Variants in KIF6 observed in about 807,000 individuals in gnomAD.
KIF6 encodes the protein kinesin-like protein KIF6.
KIF6 carries 106 observed loss-of-function variants against 112.7 expected under a neutral mutation model. The observed-to-expected ratio is 0.94, with a 90% CI of 0.80 to 1.11. The LOEUF is 1.11. KIF6 is among the 50% of genes least tolerant of loss of function. The pLI is 0.00. For synonymous variants in KIF6, 339 were observed against 339.9 expected, an observed-to-expected ratio of 1.00 and a Z score of 0.03; for missense variants, 929 against 964.0, an observed-to-expected ratio of 0.96 and a Z score of 0.48.
At chr6:39,430,462 T>C (rs1771072687) in intron 14 of KIF6, among the ~76,000 whole-genome samples, 1 of 152,224 alleles carries the variant, frequency 6.6e-6, no homozygotes, top group South Asian at 2.1e-4. Flanking sequence ...TGCTACAGTT[T>C]GAGGATATGC....
At chr6:39,650,087 T>C (rs931459323) in intron 3 of KIF6, among the ~76,000 whole-genome samples, 1 of 152,164 alleles carries the variant, frequency 6.6e-6, no homozygotes, top group Admixed American at 6.5e-5. Context: ...AGTTCTATGA[T>C]TCTCAGGGCT....
At chr6:39,658,277 A>C (rs1253356723) in intron 3 of KIF6, among the ~76,000 whole-genome samples, 1 of 152,228 alleles carries the variant, frequency 6.6e-6, no homozygotes, top group Non-Finnish European at 1.5e-5. Flanking sequence ...TAATGGAGAC[A>C]GAAGGAGAGT....
intron 3 of KIF6, among the ~76,000 whole-genome samples, chr6:39,651,382 G>A (rs1234104998): frequency 1.3e-5 from 2 of 152,206 alleles, no homozygotes; most frequent in African/African-American, 4.8e-5. Context: ...AGACTGGAAA[G>A]CGGAAAGTTG....
chr6:39,629,495 G>A (rs1407059231), intron 5 of KIF6, among the ~76,000 whole-genome samples: 2 of 151,886 alleles, frequency 1.3e-5, no homozygotes. Flanking sequence ...CAGATCTTTT[G>A]CCCATTTTAA....
At chr6:39,692,996 G>A (rs142300279) in intron 3 of KIF6, among the ~76,000 whole-genome samples, 2 of 152,290 alleles carry the variant, frequency 1.3e-5, no homozygotes, top group East Asian at 3.9e-4. Flanking sequence ...AATTCCCTCA[G>A]GGAAGAATGG....
At position 39,639,710 on chromosome 6, in the gene KIF6, C is replaced by G; in HGVS notation, c.299G>C (p.Gly100Ala). The G allele has an allele frequency of 6.2e-7, 1 of 1,612,448 alleles. No homozygotes were observed. The highest frequency in any genetic ancestry group is 8.5e-7 in the Non-Finnish European group (1 of 1,179,124). The part of the protein sequence containing the change: ...NGTIFAYGQT[G>A]SGKTFTITGG... ...TGTGATAGTGAATGTCTTCCCGCTG[C>G]CTGTTTGCCCATATGCAAAGATGGT... The change falls in exon 4 of 23, where the codon GGC (glycine) becomes GCC (alanine). Residue 100 changes from glycine to alanine, a missense_variant. Around this residue, in one of 2 missense-constraint regions of KIF6, gnomAD observed 688 missense variants for 662.7 expected, o/e 1.04. Transcript: ENST00000287152.
At chr6:39,451,137 T>G (rs1772675734) in intron 13 of KIF6, among the ~76,000 whole-genome samples, 1 of 152,152 alleles carries the variant, frequency 6.6e-6, no homozygotes, top group South Asian at 2.1e-4. Flanking sequence ...CAACAAGTAT[T>G]TACTCAGTGG....
chr6:39,434,757 CT>C lies in KIF6; in HGVS notation c.1646-3597del, dbSNP rs1271079599. On this transcript the variant is annotated intron_variant, in intron 13 of 22. Transcript: ENST00000287152. ...CTGCAAGCAGGAGGGAGCAAGTGAA[CT>C]TCATCTAGAAGGATCTGAAGGATGA... 5.3e-5 allele frequency among the ~76,000 whole-genome samples: 8 copies of C among 152,130 alleles called. No homozygotes were observed. In the East Asian group the frequency reaches 1.4e-3, roughly 26 times the overall value.
At chr6:39,664,129 A>G (rs1786316020) in intron 3 of KIF6, among the ~76,000 whole-genome samples, 2 of 152,184 alleles carry the variant, frequency 1.3e-5, no homozygotes, top group African/African-American at 4.8e-5. Flanking sequence ...AAATAATAAG[A>G]AACCAGGGAA....
chr6:39,578,591 A>ATTTC (rs1781113335), intron 9 of KIF6, among the ~76,000 whole-genome samples: 1 of 152,102 alleles, frequency 6.6e-6, no homozygotes, highest in Non-Finnish European at 1.5e-5. Flanking sequence ...CTGGCCTCCC[A>ATTTC]AAGTTTGAGT....
intron 10 of KIF6, among the ~76,000 whole-genome samples, chr6:39,571,116 T>C (rs1022635769): frequency 4.6e-5 from 7 of 152,200 alleles, no homozygotes; most frequent in Non-Finnish European, 1.0e-4. Context: ...TTCTTATCTT[T>C]CCTTTCCCAA....
chr6:39,606,105 G>A (rs111652151), intron 6 of KIF6, among the ~76,000 whole-genome samples: 3 of 151,312 alleles, frequency 2.0e-5, no homozygotes, highest in African/African-American at 7.3e-5. Flanking sequence ...TTTCAGTCAC[G>A]TTTCTTCCTC....
intron 10 of KIF6, among the ~76,000 whole-genome samples, chr6:39,577,833 T>C (rs1399296247): frequency 6.6e-6 from 1 of 152,220 alleles, no homozygotes; most frequent in African/African-American, 2.4e-5. Flanking sequence ...ATCCTCTCTT[T>C]GCTCTGTTCT....
chr6:39,511,764 A>G (rs1776798918), intron 13 of KIF6, among the ~76,000 whole-genome samples: 2 of 152,244 alleles, frequency 1.3e-5, no homozygotes. Flanking sequence ...ATGCAGCCAT[A>G]AAACAGGATG....
intron 10 of KIF6, among the ~76,000 whole-genome samples, chr6:39,570,859 C>T (rs999886611): frequency 6.6e-6 from 1 of 152,196 alleles, no homozygotes; most frequent in African/African-American, 2.4e-5. Flanking sequence ...GTCAATTAAA[C>T]TTCTTTTCTT....
At chr6:39,440,383 T>C (rs1033098271) in intron 13 of KIF6, among the ~76,000 whole-genome samples, 1 of 152,196 alleles carries the variant, frequency 6.6e-6, no homozygotes. Flanking sequence ...AATCTGGAGG[T>C]GCATACAAGA....
chr6:39,417,718 A>G (rs1770023773), intron 15 of KIF6, among the ~76,000 whole-genome samples: 1 of 122,342 alleles, frequency 8.2e-6, no homozygotes, highest in Non-Finnish European at 1.7e-5. Context: ...GGGAATTTGT[A>G]GTTATTTCCA....
chr6:39,425,392 C>A (rs1212786375), intron 14 of KIF6, among the ~76,000 whole-genome samples: 1 of 152,144 alleles, frequency 6.6e-6, no homozygotes, highest in Non-Finnish European at 1.5e-5. Context: ...GTACCTTGTA[C>A]CCTGGCTGCC....
chr6:39,603,788 A>T (rs1305045363), intron 6 of KIF6, among the ~76,000 whole-genome samples: 1 of 152,126 alleles, frequency 6.6e-6, no homozygotes, highest in Non-Finnish European at 1.5e-5. Flanking sequence ...CAATGATTCA[A>T]ATAACCTCTG....
Sources: allele counts gnomAD v4.1 joint callset (sites outside exome capture counted in the v4.1 genomes callset), GRCh38; gene constraint gnomAD v4.1.1; regional missense constraint gnomAD v4.1.1; transcripts MANE v1.5; gene names NCBI Gene and HGNC (gene_info 2026-07-23, HGNC 2026-07-21).